USP24: variants seen among roughly 807,000 people sequenced by gnomAD.
USP24 encodes the protein ubiquitin specific peptidase 24.
In USP24, 97 loss-of-function variants were observed where a neutral mutation model predicts 361.6. That is an observed-to-expected ratio of 0.27 (90% confidence interval 0.23 to 0.32). USP24 has a LOEUF of 0.32. Among genes scored for constraint, USP24 ranks in the 10% least tolerant of loss-of-function variants. USP24 has a pLI of 1.00. For missense variants in USP24, 2,353 were observed against 3,165.6 expected (o/e 0.74, Z 6.16); for synonymous variants, 1,098 against 1,124.6 (o/e 0.98, Z 0.47).
chr1:55,142,617 G>A, intron 23 of USP24, 125 bp downstream of exon 23: 1 of 701,182 alleles, frequency 1.4e-6, no homozygotes, highest in Non-Finnish European at 2.3e-6. Flanking sequence ...ATATGGTACT[G>A]TTGATAAATT....
At position 55,137,941 on chromosome 1, in the gene USP24, A is replaced by G. The variant is rs774162811; in HGVS notation, c.2929-37T>C. 3.3e-6 allele frequency: 5 copies of G among 1,536,662 alleles called. No homozygotes were observed. The East Asian group carries it at 1.2e-4, about 37-fold the overall frequency. On this transcript the variant is annotated intron_variant, in intron 26 of 67. Coordinates refer to ENST00000294383, the MANE Select transcript of USP24 (RefSeq NM_015306.3). ...AATTAAACACGTTGTGAGAGAATTC[A>G]TTTATTTATTCATTTAAACAACTGT...
At chr1:55,180,650 C>T (rs756584136) in intron 1 of USP24, among the ~76,000 whole-genome samples, 9 of 152,204 alleles carry the variant, frequency 5.9e-5, no homozygotes, top group Non-Finnish European at 1.0e-4. Context: ...CTTTAACCTA[C>T]TTAACTCCTA....
chr1:55,201,845 G>A (rs921801351), intron 1 of USP24, among the ~76,000 whole-genome samples: 10 of 152,214 alleles, frequency 6.6e-5, no homozygotes, highest in African/African-American at 1.4e-4. Context: ...GTTAGCATTC[G>A]GAGTCTCTTG....
At chr1:55,149,659 A>G (rs969569172) in intron 16 of USP24, among the ~76,000 whole-genome samples, 2 of 152,200 alleles carry the variant, frequency 1.3e-5, no homozygotes, top group African/African-American at 2.4e-5. Context: ...ACTTTAGACA[A>G]TTATGTCAAA....
At chr1:55,143,528 G>A (rs1646946175) in intron 21 of USP24, among the ~76,000 whole-genome samples, 1 of 152,148 alleles carries the variant, frequency 6.6e-6, no homozygotes, top group African/African-American at 2.4e-5. Flanking sequence ...CTAAAGCTCA[G>A]TAGTAAACAG....
chr1:55,071,103 G>A, intron 67 of USP24: 1 of 976,576 alleles, frequency 1.0e-6, no homozygotes, highest in Non-Finnish European at 1.2e-6. Context: ...GTGCTTATGA[G>A]GATCCGAAAG....
At chr1:55,164,032 ACTCT>A (rs1204168029) in intron 7 of USP24, among the ~76,000 whole-genome samples, 1 of 151,968 alleles carries the variant, frequency 6.6e-6, no homozygotes, top group African/African-American at 2.4e-5. Flanking sequence ...TATAAGGAAC[ACTCT>A]CTATAATAGC....
chr1:55,201,783 C>T (rs1644582538), intron 1 of USP24, among the ~76,000 whole-genome samples: 1 of 152,040 alleles, frequency 6.6e-6, no homozygotes. Context: ...TGCAAGGCAT[C>T]AAGTTCTAAC....
At chr1:55,212,254 C>T (rs754320766) in intron 1 of USP24, among the ~76,000 whole-genome samples, 62 of 152,244 alleles carry the variant, frequency 4.1e-4, no homozygotes, top group Non-Finnish European at 6.5e-4. Flanking sequence ...ATGGTTGGTG[C>T]TCACCACATC....
intron 2 of USP24, among the ~76,000 whole-genome samples, chr1:55,177,353 C>T (rs1650092118): frequency 6.6e-6 from 1 of 152,118 alleles, no homozygotes; most frequent in South Asian, 2.1e-4. Flanking sequence ...GGGAATACTG[C>T]TAAACACACT....
intron 38 of USP24, among the ~76,000 whole-genome samples, chr1:55,117,508 C>T (rs1646149279): frequency 1.3e-5 from 2 of 150,620 alleles, no homozygotes; most frequent in Admixed American, 6.6e-5. Flanking sequence ...GCGGGTGGAT[C>T]ATGAGGTCAG....
At chr1:55,078,685 C>G in intron 60 of USP24, 34 bp from the exon 61 acceptor site, 10 of 1,541,232 alleles carry the variant, frequency 6.5e-6, no homozygotes, top group Non-Finnish European at 7.9e-6. Context: ...CAGCTATTCT[C>G]ATGTCACAGT....
intron 1 of USP24, among the ~76,000 whole-genome samples, chr1:55,178,841 C>G (rs572561522): frequency 2.6e-5 from 4 of 152,216 alleles, no homozygotes; most frequent in African/African-American, 9.6e-5. Flanking sequence ...GCCTGAGCAA[C>G]AGAGTGAGAG....
At chr1:55,171,094 G>GTAT (rs1409331023) in intron 5 of USP24, among the ~76,000 whole-genome samples, 3 of 152,146 alleles carry the variant, frequency 2.0e-5, no homozygotes, top group African/African-American at 7.2e-5. Context: ...CTTATTGGCA[G>GTAT]ACTGTAGTCT....
intron 50 of USP24, among the ~76,000 whole-genome samples, chr1:55,096,200 T>A (rs1428610539): frequency 6.6e-6 from 1 of 152,222 alleles, no homozygotes; most frequent in South Asian, 2.1e-4. Context: ...ATTTTTAAGG[T>A]TCAATTTCAG....
rs1557525695 is a variant in USP24, at chr1:55,075,650, AC to A, written c.7381-128del. 1.3e-3 allele frequency: 636 copies of A among 501,668 alleles called. 9 individuals are homozygous for A. The African/African-American group carries it at 0.033, about 26-fold the overall frequency. The allele number at this position is 501,668 out of a possible 1,614,324, so 31.1% of individuals were successfully genotyped here. A position where few individuals can be genotyped will look rare whatever the true frequency, so the allele number is the denominator to read the frequency against. ...GACAACAACAACAACAACAACAACA[AC>A]AACAACAACAACAACACCACCACCA... On this transcript the variant is annotated intron_variant, in intron 62 of 67. Coordinates refer to ENST00000294383, the MANE Select transcript of USP24 (RefSeq NM_015306.3).
intron 21 of USP24, 113 bp downstream of exon 21, chr1:55,144,014 T>C: frequency 2.3e-6 from 2 of 855,912 alleles, no homozygotes; most frequent in Non-Finnish European, 3.5e-6. Context: ...GGAGATGCTG[T>C]TCTTTACCAA....
intron 28 of USP24, 45 bp downstream of exon 28, chr1:55,137,470 G>A (rs374218062): frequency 7.6e-6 from 12 of 1,581,822 alleles, no homozygotes; most frequent in Non-Finnish European, 1.0e-5. Flanking sequence ...AAAAGACAGT[G>A]ACTGTTAAGT....
intron 8 of USP24, among the ~76,000 whole-genome samples, chr1:55,160,548 T>C (rs1037828069): frequency 5.3e-5 from 8 of 152,206 alleles, no homozygotes; most frequent in Non-Finnish European, 8.8e-5. Context: ...AAGTAGCAAG[T>C]AGTAGAGACA....
Sources: allele counts gnomAD v4.1 joint callset (sites outside exome capture counted in the v4.1 genomes callset), GRCh38; gene constraint gnomAD v4.1.1; transcripts MANE v1.5; gene names NCBI Gene and HGNC (gene_info 2026-07-23, HGNC 2026-07-21).